Variants in STAG1 observed in about 807,000 individuals in gnomAD.
STAG1 encodes STAG1 cohesin complex component.
Under a neutral mutation model 170.9 loss-of-function variants are expected in STAG1, and 26 were observed. The observed-to-expected ratio is 0.15, with a 90% confidence interval of 0.11 to 0.21. The LOEUF (loss-of-function observed/expected upper bound fraction) is 0.21. Ranked by LOEUF, STAG1 falls within the 10% of genes least tolerant of loss-of-function variation. The pLI, the probability that STAG1 is intolerant of heterozygous loss-of-function variation, is 1.00. For synonymous variants in STAG1, 514 were observed against 497.7 expected (o/e 1.03, Z -0.44); for missense variants, 964 against 1,509.5 (o/e 0.64, Z 5.99).
intron 14 of STAG1, among the ~76,000 whole-genome samples, chr3:136,451,480 C>T (rs778698793): frequency 2.6e-5 from 4 of 152,112 alleles, no homozygotes; most frequent in Non-Finnish European, 5.9e-5. Flanking sequence ...AAAAGGTATG[C>T]AGGCTGGGCA....
chr3:136,684,235 A>G (rs138635522), intron 1 of STAG1, among the ~76,000 whole-genome samples: 97 of 152,342 alleles, frequency 6.4e-4, no homozygotes, highest in African/African-American at 2.2e-3. Context: ...CTGAAGTAGT[A>G]TAACAGAACA....
chr3:136,486,101 T>C (rs980000707), intron 9 of STAG1, among the ~76,000 whole-genome samples: 5 of 152,156 alleles, frequency 3.3e-5, no homozygotes, highest in African/African-American at 1.2e-4. Context: ...CATAAAAGTA[T>C]ATAGGACAGA....
At position 136,660,851 on chromosome 3, in the gene STAG1, C is replaced by T. The variant is rs550513366; in HGVS notation, c.-83-29870G>A. 5.3e-5 allele frequency among the ~76,000 whole-genome samples: 8 copies of T among 152,112 alleles called. No homozygotes were observed. In the South Asian group the frequency reaches 1.2e-3, roughly 24 times the overall value. On this transcript the variant is annotated intron_variant, in intron 1 of 33. Coordinates refer to ENST00000383202, the MANE Select transcript of STAG1 (RefSeq NM_005862.3). Reference sequence around the variant, plus strand: ...AGGTATAGTGGTACACGCCTGTAGTCCCAGCTACTCAGGAGGCTGAAGTGG... The same window carrying T: ...AGGTATAGTGGTACACGCCTGTAGTTCCAGCTACTCAGGAGGCTGAAGTGG...
intron 14 of STAG1, 100 bp downstream of exon 14, chr3:136,451,933 A>T: frequency 1.3e-6 from 1 of 762,068 alleles, no homozygotes; most frequent in Non-Finnish European, 2.1e-6. Flanking sequence ...TTTATAAGAA[A>T]CAGACTTGTT....
chr3:136,504,155 T>C (rs906822008), intron 7 of STAG1, among the ~76,000 whole-genome samples: 4 of 152,224 alleles, frequency 2.6e-5, no homozygotes, highest in Admixed American at 2.6e-4. Context: ...GGAAACTCTA[T>C]CTACATTTTG....
At chr3:136,461,590 GAAA>G (rs777255297) in intron 13 of STAG1, among the ~76,000 whole-genome samples, 3 of 108,724 alleles carry the variant, frequency 2.8e-5, no homozygotes, top group Non-Finnish European at 1.9e-5. Flanking sequence ...ACTCCGTCTT[GAAA>G]AAAAAAAAAA....
At chr3:136,404,810 C>A (rs1278689044) in intron 21 of STAG1, among the ~76,000 whole-genome samples, 1 of 151,762 alleles carries the variant, frequency 6.6e-6, no homozygotes, top group African/African-American at 2.4e-5. Flanking sequence ...ACCTGGAAAA[C>A]AAAGTCTGAA....
chr3:136,735,793 T>C (rs1429364515), intron 1 of STAG1, among the ~76,000 whole-genome samples: 1 of 151,854 alleles, frequency 6.6e-6, no homozygotes, highest in Admixed American at 6.6e-5. Context: ...TTTCTGGGGG[T>C]GGTGGGAGGT....
intron 1 of STAG1, among the ~76,000 whole-genome samples, chr3:136,734,120 A>AC (rs1934202246): frequency 7.0e-6 from 1 of 142,446 alleles, no homozygotes; most frequent in Non-Finnish European, 1.6e-5. Flanking sequence ...AAAAAAAAAA[A>AC]AAACAAAACA....
At chr3:136,473,783 G>C (rs762404167) in intron 10 of STAG1, 146 bp from the exon 11 acceptor site, 1 of 600,346 alleles carries the variant, frequency 1.7e-6, no homozygotes, top group Non-Finnish European at 2.9e-6. Context: ...CAATTGTATA[G>C]TGTGTGTTGC....
At chr3:136,547,838 G>T (rs1040512647) in intron 5 of STAG1, among the ~76,000 whole-genome samples, 1 of 152,144 alleles carries the variant, frequency 6.6e-6, no homozygotes, top group Admixed American at 6.5e-5. Context: ...CTAAGAGTCG[G>T]TAAGTTTCAG....
At position 136,377,763 on chromosome 3, in the gene STAG1, C is replaced by T; in HGVS notation, c.2278-11G>A. 6.2e-7 allele frequency: 1 copy of T among 1,611,978 alleles called. No homozygotes were observed. The highest frequency in any genetic ancestry group is 8.5e-7 in the Non-Finnish European group (1 of 1,178,458). On this transcript the variant is annotated splice_polypyrimidine_tract_variant and intron_variant, in intron 22 of 33. Coordinates refer to ENST00000383202, the MANE Select transcript of STAG1 (RefSeq NM_005862.3). ...TACCAACAAATCCTCCTGTAAGACA[C>T]ATTCAAATTTGCAAGCGTGAATTAC...
chr3:136,431,938 C>T (rs1051035483), intron 16 of STAG1, among the ~76,000 whole-genome samples: 1 of 152,162 alleles, frequency 6.6e-6, no homozygotes, highest in Non-Finnish European at 1.5e-5. Context: ...CTTGAATCTG[C>T]AAATTGTCTC....
intron 23 of STAG1, among the ~76,000 whole-genome samples, chr3:136,374,317 T>C (rs954939043): frequency 1.7e-5 from 1 of 58,046 alleles, no homozygotes; most frequent in African/African-American, 5.3e-5. Flanking sequence ...AGAATAAAGA[T>C]ATAAGAAAAA....
At chr3:136,535,975 T>C (rs1935602017) in intron 6 of STAG1, among the ~76,000 whole-genome samples, 1 of 152,244 alleles carries the variant, frequency 6.6e-6, no homozygotes, top group Non-Finnish European at 1.5e-5. Context: ...TGAATCACTG[T>C]AAAATCCAAT....
intron 22 of STAG1, among the ~76,000 whole-genome samples, chr3:136,391,247 A>G (rs949790449): frequency 6.6e-6 from 1 of 152,128 alleles, no homozygotes; most frequent in Non-Finnish European, 1.5e-5. Flanking sequence ...GGTAAGGCAG[A>G]GAGAGTAGCA....
At chr3:136,648,160 T>C (rs1941094463) in intron 1 of STAG1, among the ~76,000 whole-genome samples, 1 of 152,220 alleles carries the variant, frequency 6.6e-6, no homozygotes, top group Non-Finnish European at 1.5e-5. Context: ...ATGCTTTGAA[T>C]TTCCATTAAC....
intron 12 of STAG1, among the ~76,000 whole-genome samples, chr3:136,465,977 G>C (rs1282474124): frequency 1.3e-5 from 2 of 152,006 alleles, no homozygotes; most frequent in African/African-American, 2.4e-5. Context: ...CAAACAGAAA[G>C]GACATCCACA....
chr3:136,676,153 A>G (rs1942123379), intron 1 of STAG1, among the ~76,000 whole-genome samples: 1 of 152,222 alleles, frequency 6.6e-6, no homozygotes, highest in African/African-American at 2.4e-5. Context: ...GCACATCTAT[A>G]TGGGGCACTT....
Sources: gnomAD v4.1 joint callset for allele counts (sites outside exome capture counted in the v4.1 genomes callset) on GRCh38, gnomAD v4.1.1 for gene constraint, MANE v1.5 for transcripts, NCBI Gene and HGNC (gene_info 2026-07-23, HGNC 2026-07-21) for gene names.